Variants in MAPK14 observed in about 807,000 individuals in gnomAD.
MAPK14 encodes the protein mitogen-activated protein kinase 14, also known as CSAID-binding protein.
A neutral mutation model predicts 49.6 loss-of-function variants in MAPK14; 16 were observed. The ratio of observed to expected loss-of-function variants is 0.32; its 90% CI spans 0.22 to 0.49. The LOEUF is 0.49. MAPK14 is among the 20% of genes least tolerant of loss of function. The probability of loss-of-function intolerance (pLI) is 0.99; values close to 1 mark genes in which losing one functional copy is unlikely to be tolerated. For missense variants in MAPK14, 200 were observed against 441.2 expected (o/e 0.45, Z 4.90); for synonymous variants, 142 against 158.0 (o/e 0.90, Z 0.76).
At chr6:36,052,014 A>G (rs1189999263) in intron 1 of MAPK14, among the ~76,000 whole-genome samples, 1 of 152,034 alleles carries the variant, frequency 6.6e-6, no homozygotes, top group African/African-American at 2.4e-5. Context: ...GTATAACTCC[A>G]CTGGCTTTCT....
chr6:36,111,370 T>G (rs1765969166), downstream of MAPK14: 1 of 152,206 alleles, frequency 6.6e-6, no homozygotes, highest in South Asian at 2.1e-4. Flanking sequence ...AGAAGTCTGC[T>G]GACCCTTGGC....
chr6:36,046,037 T>C (rs1763166464), intron 1 of MAPK14, among the ~76,000 whole-genome samples: 2 of 152,148 alleles, frequency 1.3e-5, no homozygotes, highest in African/African-American at 4.8e-5. Context: ...GTAACCCACA[T>C]TTTCTATGTG....
intron 8 of MAPK14, among the ~76,000 whole-genome samples, chr6:36,084,149 A>G (rs2127454512): frequency 6.6e-6 from 1 of 152,356 alleles, no homozygotes; most frequent in African/African-American, 2.4e-5. Context: ...ATGGAAAGCA[A>G]CAACAACATC....
At chr6:36,036,637 G>T (rs957458420) in intron 1 of MAPK14, among the ~76,000 whole-genome samples, 1 of 152,144 alleles carries the variant, frequency 6.6e-6, no homozygotes, top group Non-Finnish European at 1.5e-5. Flanking sequence ...CCCTGAGTAG[G>T]CAGCAGCCAT....
At chr6:36,091,862 A>ATTTTTTTTTTTT in intron 8 of MAPK14, 1 of 83,582 alleles carries the variant, frequency 1.2e-5, no homozygotes, top group Admixed American at 1.3e-4. Context: ...TTTTTTTTTC[A>ATTTTTTTTTTTT]TTTTTTGCTG....
intron 1 of MAPK14, among the ~76,000 whole-genome samples, chr6:36,046,812 C>G (rs1035439709): frequency 6.6e-6 from 1 of 152,182 alleles, no homozygotes; most frequent in African/African-American, 2.4e-5. Context: ...GTGCCTTGGG[C>G]GGGCAACTCA....
chr6:36,063,885 C>T (rs1442653036), intron 3 of MAPK14, among the ~76,000 whole-genome samples: 1 of 152,118 alleles, frequency 6.6e-6, no homozygotes, highest in African/African-American at 2.4e-5. Context: ...GACTGGAAAT[C>T]CTTTGGGCCT....
chr6:36,093,411 TTAGAGAGAGTATAAA>T (rs1367180216), intron 8 of MAPK14, among the ~76,000 whole-genome samples: 1 of 152,082 alleles, frequency 6.6e-6, no homozygotes, highest in Non-Finnish European at 1.5e-5. Flanking sequence ...CCTGTCTTCC[TTAGAGAGAGTATAAA>T]AATTGACTCT....
In MAPK14 at chr6:36,028,624, G is replaced by T. The variant is rs890607523; in HGVS notation, c.116+351G>T. On this transcript the variant is annotated intron_variant, in intron 1 of 11. Coordinates refer to ENST00000229794, the MANE Select transcript of MAPK14 (RefSeq NM_139012.3). This position sits in a 1 kb window ranked among gnomAD's most constrained non-coding sequence, Gnocchi z 5.1. The stretch of plus-strand genomic sequence containing the variant: ...CCTTGGGGGTCTCCCTGCCTACCTG[G>T]AGCAGAAGGACCCTCTCCCGTGATG... 6.6e-6 allele frequency among the ~76,000 whole-genome samples: 1 copy of T among 152,140 alleles called. No individual in the cohort carries two copies. Among genetic ancestry groups the T allele is most frequent in the Admixed American group, 6.5e-5 (1 of 15,276 alleles).
intron 8 of MAPK14, among the ~76,000 whole-genome samples, chr6:36,081,887 T>G (rs1196451769): frequency 6.6e-6 from 1 of 152,194 alleles, no homozygotes; most frequent in Non-Finnish European, 1.5e-5. Context: ...AAGGATCTCT[T>G]TCCATTTATT....
intron 8 of MAPK14, among the ~76,000 whole-genome samples, chr6:36,093,467 C>T (rs1236040658): frequency 6.6e-6 from 1 of 152,104 alleles, no homozygotes; most frequent in Non-Finnish European, 1.5e-5. Context: ...CGCCTGTAAT[C>T]CCAGCCCTTT....
intron 3 of MAPK14, among the ~76,000 whole-genome samples, chr6:36,059,596 T>C (rs1295140037): frequency 6.6e-6 from 1 of 152,218 alleles, no homozygotes; most frequent in African/African-American, 2.4e-5. Context: ...AAAAGTTCCA[T>C]GGAGAAAGGA....
At chr6:36,038,437 G>C (rs1332607183) in intron 1 of MAPK14, among the ~76,000 whole-genome samples, 10 of 152,194 alleles carry the variant, frequency 6.6e-5, no homozygotes, top group Non-Finnish European at 1.2e-4. Context: ...GGTCTTATTT[G>C]CCTTTGTACA....
chr6:36,102,564 T>G lies in MAPK14; in HGVS notation c.763-7T>G, dbSNP rs767663592. On this transcript the variant is annotated splice_region_variant and splice_polypyrimidine_tract_variant and intron_variant, in intron 9 of 11. Transcript: ENST00000229794. ...CAAAGTCATTCTGAAAACCCTTGTT[T>G]TTTCAGGCAAGAAACTATATTCAGT... 6.2e-7 allele frequency: 1 copy of G among 1,610,810 alleles called. No homozygotes were observed. The highest frequency in any genetic ancestry group is 8.5e-7 in the Non-Finnish European group (1 of 1,178,466).
chr6:36,037,925 T>C (rs1385395251), intron 1 of MAPK14, among the ~76,000 whole-genome samples: 1 of 152,012 alleles, frequency 6.6e-6, no homozygotes, highest in African/African-American at 2.4e-5. Flanking sequence ...AGAGGATTGC[T>C]TGAGCCTGGG....
Position 36,059,845 on chromosome 6 carries a change from A to G in MAPK14, c.305+498A>G, listed in dbSNP as rs375144516. The stretch of plus-strand genomic sequence containing the variant: ...TCCCAACTTTTAAAGGTGCTCTTCA[A>G]GAAATGTAACGGATCCCCAGCCATA... On this transcript the variant is annotated intron_variant, in intron 3 of 11. Coordinates refer to ENST00000229794, the MANE Select transcript of MAPK14 (RefSeq NM_139012.3). 5.3e-5 allele frequency among the ~76,000 whole-genome samples: 8 copies of G among 152,312 alleles called. No individual in the cohort carries two copies. In the South Asian group the frequency reaches 1.7e-3, roughly 32 times the overall value.
intron 1 of MAPK14, among the ~76,000 whole-genome samples, chr6:36,030,063 A>C (rs1435154379): frequency 6.6e-6 from 1 of 152,124 alleles, no homozygotes; most frequent in Non-Finnish European, 1.5e-5. Context: ...TCTTGAATTG[A>C]CATACATTTC....
At chr6:36,040,817 T>C (rs1762934657) in intron 1 of MAPK14, among the ~76,000 whole-genome samples, 1 of 152,198 alleles carries the variant, frequency 6.6e-6, no homozygotes, top group Admixed American at 6.5e-5. Flanking sequence ...TCCTGTCTTC[T>C]TTCAGTATTT....
intron 9 of MAPK14, among the ~76,000 whole-genome samples, chr6:36,098,457 G>A (rs889338730): frequency 2.0e-5 from 3 of 152,140 alleles, no homozygotes; most frequent in Non-Finnish European, 4.4e-5. Flanking sequence ...AGGATCACTC[G>A]AGGCCAGGAG....
Sources: gnomAD v4.1 joint callset for allele counts (sites outside exome capture counted in the v4.1 genomes callset) on GRCh38, gnomAD v4.1.1 for gene constraint, Gnocchi (gnomAD v3.1) non-coding constraint, MANE v1.5 for transcripts, NCBI Gene and HGNC (gene_info 2026-07-23, HGNC 2026-07-21) for gene names.